The following GRXCR1 variants were observed in gnomAD, a reference collection of about 807,000 sequenced individuals.
The protein encoded by GRXCR1 is glutaredoxin and cysteine rich domain containing 1.
In GRXCR1, 27 loss-of-function variants were observed where a neutral mutation model predicts 27.3. The ratio of observed to expected loss-of-function variants is 0.99; its 90% confidence interval spans 0.73 to 1.37. GRXCR1 has a LOEUF of 1.37. GRXCR1 is among the 40% of genes most tolerant of loss of function. The probability of loss-of-function intolerance (pLI) is 0.00; values close to 1 mark genes in which losing one functional copy is unlikely to be tolerated. For synonymous variants in GRXCR1, 122 were observed against 131.1 expected (o/e 0.93, Z 0.47); for missense variants, 379 against 354.4 (o/e 1.07, Z -0.56).
chr4:43,010,441 G>A (rs886865053), intron 2 of GRXCR1, among the ~76,000 whole-genome samples: 4 of 151,460 alleles, frequency 2.6e-5, no homozygotes, highest in African/African-American at 9.7e-5. Flanking sequence ...GAAGTTGTAT[G>A]CATTACTTTT....
intron 1 of GRXCR1, among the ~76,000 whole-genome samples, chr4:42,939,841 G>A (rs1463755469): frequency 1.3e-5 from 2 of 151,814 alleles, no homozygotes; most frequent in African/African-American, 2.4e-5. Flanking sequence ...TTTGCCCAGG[G>A]GTATATCCTC....
At chr4:42,894,895 A>C (rs955015883) in intron 1 of GRXCR1, among the ~76,000 whole-genome samples, 1 of 152,118 alleles carries the variant, frequency 6.6e-6, no homozygotes, top group African/African-American at 2.4e-5. Context: ...ATTGCTAAGG[A>C]GTAGACCAAG....
intron 2 of GRXCR1, among the ~76,000 whole-genome samples, chr4:42,996,246 T>G (rs1011757835): frequency 2.6e-5 from 4 of 152,162 alleles, no homozygotes; most frequent in African/African-American, 9.7e-5. Flanking sequence ...AAATCTATCT[T>G]GAACATAAAT....
In GRXCR1 at chr4:42,893,633, T is replaced by G; in HGVS notation, c.367T>G (p.Leu123Val). The change falls in exon 1 of 4, where the codon TTG becomes GTG. Residue 123 changes from leucine to valine, a missense_variant. Transcript: ENST00000399770. The part of the protein sequence containing the change: ...VSAGQALFNN[L>V]TKVLQQPSTD... Reference sequence around the variant, plus strand: ...TGCTGGCCAGGCTCTATTTAACAATTTGACCAAAGTATTACAGGTAAGTCA... The same window carrying G: ...TGCTGGCCAGGCTCTATTTAACAATGTGACCAAAGTATTACAGGTAAGTCA... 1 of 1,613,384 alleles carries G rather than the reference T, an allele frequency of 6.2e-7. No homozygotes were observed. Among genetic ancestry groups the G allele is most frequent in the Non-Finnish European group, 8.5e-7 (1 of 1,179,696 alleles).
At chr4:42,898,280 C>A (rs1746393961) in intron 1 of GRXCR1, among the ~76,000 whole-genome samples, 2 of 151,278 alleles carry the variant, frequency 1.3e-5, no homozygotes, top group South Asian at 4.2e-4. Context: ...TTTTTTTCTG[C>A]AGAGTTAAAT....
At chr4:42,941,877 A>T (rs1385164694) in intron 1 of GRXCR1, among the ~76,000 whole-genome samples, 1 of 152,056 alleles carries the variant, frequency 6.6e-6, no homozygotes. Context: ...GAGTTAAGGT[A>T]TGTGGCAATA....
At chr4:43,020,750 T>C (rs1450005307) in intron 3 of GRXCR1, among the ~76,000 whole-genome samples, 1 of 152,208 alleles carries the variant, frequency 6.6e-6, no homozygotes, top group Non-Finnish European at 1.5e-5. Context: ...GAAACAACTT[T>C]ATTTTTCCCA....
At chr4:43,028,993 A>G (rs1213500782) in intron 3 of GRXCR1, among the ~76,000 whole-genome samples, 1 of 152,228 alleles carries the variant, frequency 6.6e-6, no homozygotes, top group East Asian at 1.9e-4. Flanking sequence ...AGTCAAGTCA[A>G]ACTATAATTG....
chr4:43,025,667 C>G (rs1442716342), intron 3 of GRXCR1, among the ~76,000 whole-genome samples: 1 of 152,192 alleles, frequency 6.6e-6, no homozygotes, highest in Non-Finnish European at 1.5e-5. Flanking sequence ...CCGCAGCAGT[C>G]AATCTCTTCA....
intron 1 of GRXCR1, 151 bp from the exon 2 acceptor site, chr4:42,962,741 T>C (rs1222020748): frequency 3.0e-5 from 24 of 810,818 alleles, no homozygotes; most frequent in Non-Finnish European, 4.8e-5. Context: ...CAATTACAGA[T>C]GTTGTAACTT....
chr4:42,974,362 C>T (rs1269185305), intron 2 of GRXCR1, among the ~76,000 whole-genome samples: 1 of 151,926 alleles, frequency 6.6e-6, no homozygotes, highest in Non-Finnish European at 1.5e-5. Context: ...AAGAAAACCT[C>T]AAAGGGAAAA....
At chr4:42,948,110 C>T (rs2109767034) in intron 1 of GRXCR1, among the ~76,000 whole-genome samples, 1 of 152,272 alleles carries the variant, frequency 6.6e-6, no homozygotes, top group South Asian at 2.1e-4. Context: ...AGCACATAGA[C>T]AAATTCAACC....
chr4:42,912,325 T>C (rs938107120), intron 1 of GRXCR1, among the ~76,000 whole-genome samples: 1 of 152,196 alleles, frequency 6.6e-6, no homozygotes, highest in Admixed American at 6.5e-5. Flanking sequence ...AGACTTAGTA[T>C]TGAAAAGGAC....
intron 2 of GRXCR1, among the ~76,000 whole-genome samples, chr4:42,994,026 G>C (rs573389261): frequency 6.6e-6 from 1 of 152,262 alleles, no homozygotes; most frequent in African/African-American, 2.4e-5. Flanking sequence ...TTTAGGAAAG[G>C]AAGAAATGTT....
intron 1 of GRXCR1, among the ~76,000 whole-genome samples, chr4:42,937,317 G>A (rs1304078787): frequency 4.0e-5 from 6 of 150,086 alleles, no homozygotes; most frequent in Admixed American, 4.0e-4. Flanking sequence ...TTCTGGCAAT[G>A]TAAGATGATC....
intron 1 of GRXCR1, among the ~76,000 whole-genome samples, chr4:42,920,543 T>C (rs968484535): frequency 1.3e-5 from 2 of 152,098 alleles, no homozygotes; most frequent in South Asian, 2.1e-4. Flanking sequence ...GCTTAGAGAA[T>C]GTGTTGACGT....
intron 2 of GRXCR1, among the ~76,000 whole-genome samples, chr4:42,990,277 C>T (rs1360023089): frequency 1.5e-5 from 2 of 137,152 alleles, no homozygotes; most frequent in South Asian, 2.3e-4. Context: ...CTGCAAGCCC[C>T]GCCTCCCGGG....
intron 1 of GRXCR1, among the ~76,000 whole-genome samples, chr4:42,923,937 T>A (rs573510904): frequency 2.2e-4 from 33 of 152,034 alleles, no homozygotes; most frequent in Non-Finnish European, 4.4e-4. Flanking sequence ...GACCTTGAAT[T>A]CACTCTATTT....
intron 2 of GRXCR1, among the ~76,000 whole-genome samples, chr4:42,987,241 A>ATATTATATATATATAATATATAATATAT (rs1276367661): frequency 1.2e-4 from 8 of 66,454 alleles, no homozygotes; most frequent in South Asian, 9.2e-4. Context: ...ATATATATAT[A>ATATTATATATATATAATATATAATATAT]ATATATAATA....
Sources: allele counts gnomAD v4.1 joint callset (sites outside exome capture counted in the v4.1 genomes callset), GRCh38; gene constraint gnomAD v4.1.1; transcripts MANE v1.5; gene names NCBI Gene and HGNC (gene_info 2026-07-23, HGNC 2026-07-21).